PHACTR3: variants seen among roughly 807,000 people sequenced by gnomAD.
PHACTR3 encodes the protein phosphatase and actin regulator 3, also known as protein phosphatase 1, regulatory subunit 123.
A neutral mutation model predicts 66.8 loss-of-function variants in PHACTR3; 16 were observed. The ratio of observed to expected loss-of-function variants is 0.24; its 90% CI spans 0.16 to 0.36. The LOEUF (loss-of-function observed/expected upper bound fraction) is 0.36, where lower values mean the gene tolerates loss of function less well. PHACTR3 is among the 10% of genes least tolerant of loss of function. The pLI is 1.00. For missense variants in PHACTR3, 647 were observed against 719.9 expected, an observed-to-expected ratio of 0.90 and a Z score of 1.16; for synonymous variants, 323 against 292.1, an observed-to-expected ratio of 1.11 and a Z score of -1.08.
chr20:59,680,245 C>T (rs2036595327), intron 1 of PHACTR3, among the ~76,000 whole-genome samples: 1 of 152,130 alleles, frequency 6.6e-6, no homozygotes, highest in African/African-American at 2.4e-5. Flanking sequence ...AGACCTGGAG[C>T]CAGCAAACAA....
intron 1 of PHACTR3, among the ~76,000 whole-genome samples, chr20:59,579,751 A>G (rs560205551): frequency 6.6e-6 from 1 of 152,366 alleles, no homozygotes; most frequent in South Asian, 2.1e-4. Flanking sequence ...AGGGTCCATC[A>G]GAGACGGAGA....
chr20:59,663,623 C>T (rs6128658), intron 1 of PHACTR3, among the ~76,000 whole-genome samples: 5,796 of 152,266 alleles, frequency 0.038, 348 homozygotes, highest in East Asian at 0.3. Flanking sequence ...CATGGCGTGT[C>T]GACACCAAGC....
intron 1 of PHACTR3, among the ~76,000 whole-genome samples, chr20:59,699,575 C>T (rs1188334522): frequency 6.6e-6 from 1 of 152,098 alleles, no homozygotes; most frequent in African/African-American, 2.4e-5. Context: ...TTTTAATAGA[C>T]AATACATGTA....
chr20:59,629,374 C>T (rs1283247342), intron 1 of PHACTR3, among the ~76,000 whole-genome samples: 1 of 152,222 alleles, frequency 6.6e-6, no homozygotes, highest in Non-Finnish European at 1.5e-5. Flanking sequence ...CCCCTTCTCC[C>T]TCCGCTGTTC....
chr20:59,748,172 T>C (rs530044033), intron 3 of PHACTR3, among the ~76,000 whole-genome samples: 1 of 152,340 alleles, frequency 6.6e-6, no homozygotes, highest in East Asian at 1.9e-4. Flanking sequence ...AGCATTAATT[T>C]TTTTTTCATA....
At chr20:59,715,686 G>A (rs2038066129) in intron 1 of PHACTR3, among the ~76,000 whole-genome samples, 1 of 152,066 alleles carries the variant, frequency 6.6e-6, no homozygotes, top group Non-Finnish European at 1.5e-5. Context: ...GTGTAAGACT[G>A]GTATTATTTC....
At chr20:59,657,565 G>C (rs1180412795) in intron 1 of PHACTR3, among the ~76,000 whole-genome samples, 1 of 151,876 alleles carries the variant, frequency 6.6e-6, no homozygotes, top group Non-Finnish European at 1.5e-5. Flanking sequence ...ACTTTTGCTG[G>C]GCATAACATT....
In PHACTR3 at chr20:59,753,171, G is replaced by A. The variant is rs146565719; in HGVS notation, c.359-2011G>A. Among the ~76,000 whole-genome samples, 1,317 of 152,074 alleles carry A rather than the reference G, an allele frequency of 8.7e-3. 32 individuals are homozygous for A. The highest frequency in any genetic ancestry group is 6.1e-3 in the Non-Finnish European group (412 of 68,004). On this transcript the variant is annotated intron_variant, in intron 3 of 12. Coordinates refer to ENST00000371015, the MANE Select transcript of PHACTR3 (RefSeq NM_080672.5). ...AAAAATTAAAAAAAAAAAATCAAGG[G>A]TTGCAGCACGGGGGATACAGCACGT...
At chr20:59,761,411 G>A (rs138374658) in intron 4 of PHACTR3, among the ~76,000 whole-genome samples, 1 of 152,178 alleles carries the variant, frequency 6.6e-6, no homozygotes, top group Non-Finnish European at 1.5e-5. Flanking sequence ...CTGAGACCAA[G>A]GTTGTGCTGG....
chr20:59,764,008 A>T (rs1176029796), intron 4 of PHACTR3, among the ~76,000 whole-genome samples: 1 of 152,054 alleles, frequency 6.6e-6, no homozygotes, highest in Non-Finnish European at 1.5e-5. Flanking sequence ...TGAGGTCAAG[A>T]CTGTTTGGTT....
chr20:59,621,979 A>G (rs2034256654), intron 1 of PHACTR3, among the ~76,000 whole-genome samples: 1 of 152,220 alleles, frequency 6.6e-6, no homozygotes, highest in Admixed American at 6.5e-5. Flanking sequence ...CTTTTAGGCA[A>G]TAACCTTCAC....
chr20:59,780,774 T>C (rs532340015), intron 7 of PHACTR3, among the ~76,000 whole-genome samples: 1 of 152,284 alleles, frequency 6.6e-6, no homozygotes, highest in South Asian at 2.1e-4. Context: ...CTCGACATGT[T>C]TCTTTCTAGC....
intron 1 of PHACTR3, among the ~76,000 whole-genome samples, chr20:59,630,767 C>T (rs6070880): frequency 0.71 from 108,229 of 151,754 alleles, 38,797 homozygotes; most frequent in East Asian, 0.89. Flanking sequence ...GGTCCAGTCC[C>T]GGCCACCCTC....
At chr20:59,777,289 CA>C (rs1212253283) in intron 7 of PHACTR3, among the ~76,000 whole-genome samples, 2 of 152,230 alleles carry the variant, frequency 1.3e-5, no homozygotes, top group African/African-American at 4.8e-5. Context: ...ATCCGATTTC[CA>C]AATAAGGTCA....
intron 3 of PHACTR3, among the ~76,000 whole-genome samples, chr20:59,754,783 A>C (rs1467440039): frequency 2.0e-5 from 3 of 152,230 alleles, no homozygotes; most frequent in African/African-American, 7.2e-5. Flanking sequence ...ATGTGCAAGC[A>C]CTTCTCATGC....
chr20:59,812,158 C>T (rs566306108), intron 8 of PHACTR3, among the ~76,000 whole-genome samples: 1 of 152,322 alleles, frequency 6.6e-6, no homozygotes, highest in East Asian at 1.9e-4. Flanking sequence ...CATTCCCATT[C>T]GTGACTGTTG....
chr20:59,632,851 T>G (rs2034715986), intron 1 of PHACTR3, among the ~76,000 whole-genome samples: 1 of 152,188 alleles, frequency 6.6e-6, no homozygotes, highest in Non-Finnish European at 1.5e-5. Context: ...CCCAGGGAGA[T>G]CTTCCCATCA....
At position 59,624,971 on chromosome 20, in the gene PHACTR3, C is replaced by T. The variant is rs75614190; in HGVS notation, c.118+19839C>T. ...CCCTTTTTCCATCCCAGGATGCCAT[C>T]CAGATCCCGCATGACATCTGGACAT... On this transcript the variant is annotated intron_variant, in intron 1 of 12. Coordinates refer to ENST00000371015, the MANE Select transcript of PHACTR3 (RefSeq NM_080672.5). Among the ~76,000 whole-genome samples the T allele has an allele frequency of 3.7e-3, 560 of 152,256 alleles. 1 individual carries two copies. Among genetic ancestry groups the T allele is most frequent in the Non-Finnish European group, 6.6e-3 (449 of 68,024 alleles).
intron 1 of PHACTR3, among the ~76,000 whole-genome samples, chr20:59,715,262 T>C (rs1019621239): frequency 1.8e-4 from 27 of 152,344 alleles, no homozygotes; most frequent in African/African-American, 6.0e-4. Flanking sequence ...CAATAGATTT[T>C]TTGTATATAT....
Sources: allele counts gnomAD v4.1 joint callset (sites outside exome capture counted in the v4.1 genomes callset), GRCh38; gene constraint gnomAD v4.1.1; transcripts MANE v1.5; gene names NCBI Gene and HGNC (gene_info 2026-07-23, HGNC 2026-07-21).